Variants in CXADR observed in about 807,000 individuals in gnomAD.
CXADR encodes CXADR cell adhesion molecule, also known as coxsackievirus and adenovirus receptor.
In CXADR, 20 loss-of-function variants were observed where a neutral mutation model predicts 40.3. The observed-to-expected ratio is 0.50, with a 90% CI of 0.35 to 0.72. CXADR has a LOEUF of 0.72. Ranked by LOEUF, CXADR falls within the 30% of genes least tolerant of loss-of-function variation. CXADR has a pLI of 0.01. For missense variants in CXADR, 332 were observed against 449.1 expected, an observed-to-expected ratio of 0.74 and a Z score of 2.36; for synonymous variants, 150 against 161.3, an observed-to-expected ratio of 0.93 and a Z score of 0.53.
At chr21:17,545,076 T>G (rs964359525) in intron 1 of CXADR, among the ~76,000 whole-genome samples, 1 of 83,706 alleles carries the variant, frequency 1.2e-5, no homozygotes, top group African/African-American at 5.2e-5. Context: ...TAATGTGTTT[T>G]TTTTTTTTTT....
chr21:17,613,420 C>T, the CXADR span: 3 of 152,472 alleles, frequency 2.0e-5, no homozygotes, highest in African/African-American at 7.2e-5. Context: ...CCTCATCCTT[C>T]TTGCTGTAGT....
At position 17,568,682 on chromosome 21, in the gene CXADR, C is replaced by T; in HGVS notation, c.*2990C>T. On this transcript the variant is annotated 3_prime_UTR_variant, in exon 7 of 7. Coordinates refer to ENST00000284878, the MANE Select transcript of CXADR (RefSeq NM_001338.5). Reference sequence around the variant, plus strand: ...CTGGGATTACAGGTGTGAGCCGCAGCATCCAGCCAGTTCTGTACTTTGAAT... The same window carrying T: ...CTGGGATTACAGGTGTGAGCCGCAGTATCCAGCCAGTTCTGTACTTTGAAT... 1 of 985,054 alleles carries T rather than the reference C, an allele frequency of 1.0e-6. No individual in the cohort carries two copies. The highest frequency in any genetic ancestry group is 1.2e-6 in the Non-Finnish European group (1 of 829,906). The allele number at this position is 985,054 out of a possible 1,614,324, so 61.0% of individuals were successfully genotyped here. A position where few individuals can be genotyped will look rare whatever the true frequency, so the allele number is the denominator to read the frequency against.
At chr21:17,593,478 C>CA (rs1483905950) in exon 8 of CXADR, 1 of 229,462 alleles carries the variant, frequency 4.4e-6, no homozygotes, top group Non-Finnish European at 8.5e-6. Context: ...TTTAACTTTT[C>CA]ATATGCATAT....
intron 1 of CXADR, among the ~76,000 whole-genome samples, chr21:17,521,023 G>C (rs557440893): frequency 1.2e-4 from 18 of 152,310 alleles, no homozygotes; most frequent in Admixed American, 2.6e-4. Flanking sequence ...ATACAGACTT[G>C]AGAATTCACT....
rs970762798 is a variant in CXADR at position 17,580,329 on chromosome 21, G to T, written c.1018-12823G>T. On this transcript the variant is annotated intron_variant, in intron 7 of 7. Coordinates refer to the CXADR transcript ENST00000400169. ...TTTCCTAGACAACTTCCAATTTAAA[G>T]AATTCCAGGCCAGGCGTGTTGGCTA... is the stretch of plus-strand genomic sequence containing the variant. Among the ~76,000 whole-genome samples the T allele has an allele frequency of 3.9e-5, 6 of 152,144 alleles. No individual in the cohort carries two copies. The South Asian group carries it at 1.2e-3, about 31-fold the overall frequency.
At chr21:17,612,948 G>A in the CXADR span, 1 of 152,060 alleles carries the variant, frequency 6.6e-6, no homozygotes, top group African/African-American at 2.4e-5. Context: ...GCCCGGAAGA[G>A]GGGAGGGGCG....
At chr21:17,546,339 T>C (rs562820983) in intron 1 of CXADR, among the ~76,000 whole-genome samples, 1 of 152,316 alleles carries the variant, frequency 6.6e-6, no homozygotes, top group African/African-American at 2.4e-5. Context: ...TGACTGACCG[T>C]ATTAGTCCAT....
chr21:17,630,964 G>A, the CXADR span, among the ~76,000 whole-genome samples: 1 of 152,098 alleles, frequency 6.6e-6, no homozygotes, highest in Non-Finnish European at 1.5e-5. Flanking sequence ...AGCAGCAATG[G>A]AGAAAGAGAG....
At chr21:17,559,701 G>A (rs1165375065) in intron 4 of CXADR, among the ~76,000 whole-genome samples, 1 of 140,330 alleles carries the variant, frequency 7.1e-6, no homozygotes, top group African/African-American at 2.7e-5. Flanking sequence ...TCCGAGACAA[G>A]GGGTCTCGCT....
intron 1 of CXADR, among the ~76,000 whole-genome samples, chr21:17,532,179 TGCCCCAA>T (rs2060686870): frequency 6.6e-6 from 1 of 152,092 alleles, no homozygotes; most frequent in African/African-American, 2.4e-5. Context: ...GCAGTCTTCC[TGCCCCAA>T]CCTCCCAAAG....
rs536576869 is a variant in CXADR, at chr21:17,539,921, T to C, written c.44-7106T>C. Among the ~76,000 whole-genome samples, 10 of 152,316 alleles carry C rather than the reference T, an allele frequency of 6.6e-5. No individual in the cohort carries two copies. The South Asian group carries it at 1.9e-3, about 28-fold the overall frequency. On this transcript the variant is annotated intron_variant, in intron 1 of 6. Transcript: ENST00000284878. ...TTCACTGCTCTGTATGCAGTCTGTA[T>C]TAGTCTGCTCAGGCTGCCGTAACAA...
At chr21:17,573,751 A>T (rs1448490676), downstream of CXADR, among the ~76,000 whole-genome samples, 1 of 152,170 alleles carries the variant, frequency 6.6e-6, no homozygotes, top group Non-Finnish European at 1.5e-5. Context: ...TCTACTAAAA[A>T]TACAAAAATT....
intron 1 of CXADR, among the ~76,000 whole-genome samples, chr21:17,523,318 T>C (rs1375519106): frequency 4.6e-5 from 7 of 152,190 alleles, no homozygotes; most frequent in Non-Finnish European, 8.8e-5. Flanking sequence ...CAGGAATTCA[T>C]GTTTGTAGGC....
At chr21:17,586,063 C>T (rs1407607024) in intron 7 of CXADR, among the ~76,000 whole-genome samples, 1 of 151,880 alleles carries the variant, frequency 6.6e-6, no homozygotes, top group Non-Finnish European at 1.5e-5. Flanking sequence ...AAATCTGATG[C>T]CCTCTTGTGG....
chr21:17,513,750 C>T (rs1162768354), intron 1 of CXADR, among the ~76,000 whole-genome samples: 3 of 152,218 alleles, frequency 2.0e-5, no homozygotes, highest in Non-Finnish European at 4.4e-5. Context: ...AGCAGCTCGC[C>T]CAGGCAGGAG....
chr21:17,513,359 C>T (rs2060416132), intron 1 of CXADR, among the ~76,000 whole-genome samples, 187 bp downstream of exon 1: 1 of 152,054 alleles, frequency 6.6e-6, no homozygotes, highest in African/African-American at 2.4e-5. Context: ...CTGGAGCCGT[C>T]CCGTAGGGAG....
At chr21:17,626,528 T>A in the CXADR span, among the ~76,000 whole-genome samples, 1 of 152,238 alleles carries the variant, frequency 6.6e-6, no homozygotes, top group Non-Finnish European at 1.5e-5. Flanking sequence ...GCATTTTTTT[T>A]AGCAAGTTTC....
At chr21:17,608,784 G>A in the CXADR span, 3 of 524,628 alleles carry the variant, frequency 5.7e-6, no homozygotes, top group African/African-American at 5.9e-5. Context: ...CCAGGCAGTG[G>A]GACTCCACCA....
In CXADR at chr21:17,569,058, T is replaced by G. The variant is rs1189060580; in HGVS notation, c.*3366T>G. On this transcript the variant is annotated 3_prime_UTR_variant, in exon 7 of 7. Coordinates refer to ENST00000284878, the MANE Select transcript of CXADR (RefSeq NM_001338.5). ...AACAAGTAAAGGGGCAAGTAAACCT[T>G]TTGATGAAATATAAAAGGAACTCAT... 3 of 985,448 alleles carry G rather than the reference T, an allele frequency of 3.0e-6. No individual in the cohort carries two copies. The highest frequency in any genetic ancestry group is 3.6e-6 in the Non-Finnish European group (3 of 829,934). 61.0% of individuals were successfully genotyped at this position (985,448 alleles called of 1,614,324 possible).
Sources: allele counts gnomAD v4.1 joint callset (sites outside exome capture counted in the v4.1 genomes callset), GRCh38; gene constraint gnomAD v4.1.1; transcripts MANE v1.5; gene names NCBI Gene and HGNC (gene_info 2026-07-23, HGNC 2026-07-21).